STPG2: variants seen among roughly 807,000 people sequenced by gnomAD.
The protein encoded by STPG2 is sperm-tail PG-rich repeat-containing protein 2.
Under a neutral mutation model 54.2 loss-of-function variants are expected in STPG2, and 56 were observed. The observed-to-expected ratio is 1.03, with a 90% CI of 0.83 to 1.29. The LOEUF (loss-of-function observed/expected upper bound fraction) is 1.29, where lower values mean the gene tolerates loss of function less well. STPG2 is among the 50% of genes most tolerant of loss of function. STPG2 has a pLI of 0.00. For missense variants in STPG2, 596 were observed against 544.9 expected, an observed-to-expected ratio of 1.09 and a Z score of -0.93; for synonymous variants, 200 against 181.8, an observed-to-expected ratio of 1.10 and a Z score of -0.81.
At chr4:97,497,556 T>C (rs1159028301) in intron 4 of STPG2, among the ~76,000 whole-genome samples, 2 of 151,902 alleles carry the variant, frequency 1.3e-5, no homozygotes, top group South Asian at 2.1e-4. Flanking sequence ...AAAATAAGCA[T>C]ACATTTCTGC....
chr4:97,599,954 G>A (rs556769671), intron 10 of STPG2, among the ~76,000 whole-genome samples: 71 of 152,276 alleles, frequency 4.7e-4, no homozygotes, highest in Non-Finnish European at 7.4e-4. Flanking sequence ...GGATGGAGCT[G>A]GAGGCCATTA....
intron 10 of STPG2, among the ~76,000 whole-genome samples, chr4:97,629,830 A>G (rs577397166): frequency 1.1e-4 from 17 of 152,078 alleles, no homozygotes; most frequent in Non-Finnish European, 1.8e-4. Flanking sequence ...CAAGGTGGGA[A>G]TAATCACTAA....
In STPG2 at chr4:97,686,078, A is replaced by T. The variant is rs546611445; in HGVS notation, c.1320+26621T>A. ...AAGCATGTTACTTATTTCAGATAAC[A>T]CCACTCAGTCTTCAAATGCACTCCT... On this transcript the variant is annotated intron_variant, in intron 10 of 10. Coordinates refer to ENST00000295268, the MANE Select transcript of STPG2 (RefSeq NM_174952.3). 4.4e-4 allele frequency among the ~76,000 whole-genome samples: 67 copies of T among 152,334 alleles called. 1 individual carries two copies. The highest frequency in any genetic ancestry group is 1.6e-3 in the African/African-American group (67 of 41,582).
intron 10 of STPG2, among the ~76,000 whole-genome samples, chr4:97,711,805 G>A (rs1318152690): frequency 6.6e-6 from 1 of 151,702 alleles, no homozygotes; most frequent in Non-Finnish European, 1.5e-5. Flanking sequence ...GAGTAGCTGG[G>A]ACTACAGGTG....
chr4:98,070,165 G>T (rs1360971285), intron 5 of STPG2, among the ~76,000 whole-genome samples: 1 of 151,772 alleles, frequency 6.6e-6, no homozygotes, highest in African/African-American at 2.4e-5. Context: ...AAAGCTTATC[G>T]ACCACAATCA....
intron 9 of STPG2, among the ~76,000 whole-genome samples, chr4:97,821,290 C>T (rs965900895): frequency 3.3e-5 from 5 of 152,102 alleles, no homozygotes; most frequent in Non-Finnish European, 7.4e-5. Context: ...CCCTTATTAC[C>T]CCATATCCTA....
chr4:97,667,787 T>C (rs926125145), intron 10 of STPG2, among the ~76,000 whole-genome samples: 10 of 152,326 alleles, frequency 6.6e-5, no homozygotes, highest in African/African-American at 2.4e-4. Flanking sequence ...CATTTTGCCA[T>C]TCTCTCATTA....
chr4:97,766,030 CT>C (rs945637639), intron 9 of STPG2, among the ~76,000 whole-genome samples: 1 of 151,980 alleles, frequency 6.6e-6, no homozygotes, highest in Non-Finnish European at 1.5e-5. Context: ...TTGTAGGATG[CT>C]TTAAAGGGTT....
chr4:97,932,435 A>G (rs1578704537), intron 8 of STPG2, among the ~76,000 whole-genome samples: 1 of 152,154 alleles, frequency 6.6e-6, no homozygotes, highest in Admixed American at 6.6e-5. Context: ...AAAGTGTGCC[A>G]TGTTGGCTTG....
chr4:97,992,642 G>A (rs1286491224), intron 5 of STPG2, among the ~76,000 whole-genome samples: 8 of 151,956 alleles, frequency 5.3e-5, no homozygotes, highest in Admixed American at 5.2e-4. Flanking sequence ...AAGAATTATG[G>A]TGGTATTTTA....
intron 10 of STPG2, among the ~76,000 whole-genome samples, chr4:97,654,461 G>T (rs772130407): frequency 6.6e-6 from 1 of 151,590 alleles, no homozygotes; most frequent in Non-Finnish European, 1.5e-5. Context: ...GCATCAATCC[G>T]ACAATTCCAC....
chr4:97,996,415 T>C (rs1243283894), intron 5 of STPG2, among the ~76,000 whole-genome samples: 1 of 152,176 alleles, frequency 6.6e-6, no homozygotes, highest in East Asian at 1.9e-4. Context: ...TGAAACTGGA[T>C]CCCTTCCTTA....
rs546949794 is a variant in STPG2, at chr4:97,795,595, T to C, written c.1204+45178A>G. Among the ~76,000 whole-genome samples the C allele has an allele frequency of 9.2e-5, 14 of 152,236 alleles. No homozygotes were observed. In the South Asian group the frequency reaches 1.4e-3, roughly 16 times the overall value. On this transcript the variant is annotated intron_variant, in intron 9 of 10. Coordinates refer to ENST00000295268, the MANE Select transcript of STPG2 (RefSeq NM_174952.3). ...CACATTTTCTTAATCCAGTCTATCA[T>C]ACATTGATGGACATTTGGATGGGTT...
intron 9 of STPG2, among the ~76,000 whole-genome samples, chr4:97,729,647 C>A (rs1184431763): frequency 6.6e-6 from 1 of 152,030 alleles, no homozygotes; most frequent in African/African-American, 2.4e-5. Context: ...TTGGAACTAG[C>A]CCACAGATAA....
intron 8 of STPG2, among the ~76,000 whole-genome samples, chr4:97,847,005 T>A (rs1403290765): frequency 6.6e-6 from 1 of 152,216 alleles, no homozygotes; most frequent in African/African-American, 2.4e-5. Context: ...TCTTTTACAA[T>A]GAAACTTGTC....
rs958319142 is a variant in STPG2 at position 98,000,092 on chromosome 4, A to G, written c.613-18774T>C. On this transcript the variant is annotated intron_variant, in intron 5 of 10. Coordinates refer to ENST00000295268, the MANE Select transcript of STPG2 (RefSeq NM_174952.3). ...ACCTGTGGATCATTCTACTCTTTAGACTCTACTCTAATATAATCTTGATAT... is the reference window on the plus strand; with the variant it reads ...ACCTGTGGATCATTCTACTCTTTAGGCTCTACTCTAATATAATCTTGATAT... 2.0e-5 allele frequency among the ~76,000 whole-genome samples: 3 copies of G among 151,932 alleles called. No individual in the cohort carries two copies. In the East Asian group the frequency reaches 5.8e-4, roughly 29 times the overall value.
At chr4:97,989,722 G>A (rs993315532) in intron 5 of STPG2, among the ~76,000 whole-genome samples, 15 of 152,114 alleles carry the variant, frequency 9.9e-5, no homozygotes, top group African/African-American at 3.1e-4. Flanking sequence ...GCCATTATTA[G>A]TTAAAATAAG....
intron 5 of STPG2, among the ~76,000 whole-genome samples, chr4:97,999,623 C>T (rs2149274747): frequency 6.6e-6 from 1 of 152,174 alleles, no homozygotes; most frequent in East Asian, 1.9e-4. Flanking sequence ...CGCTTGAACC[C>T]AGGAGGCAGA....
At chr4:97,809,411 A>AT (rs148428177) in intron 9 of STPG2, among the ~76,000 whole-genome samples, 2,808 of 152,258 alleles carry the variant, frequency 0.018, 77 homozygotes, top group African/African-American at 0.064. Flanking sequence ...CTTTGAAATG[A>AT]TTTTTGTAGA....
Sources: gnomAD v4.1 joint callset for allele counts (sites outside exome capture counted in the v4.1 genomes callset) on GRCh38, gnomAD v4.1.1 for gene constraint, MANE v1.5 for transcripts, NCBI Gene and HGNC (gene_info 2026-07-23, HGNC 2026-07-21) for gene names.